CCBE1: variants seen among roughly 807,000 people sequenced by gnomAD.
The protein encoded by CCBE1 is collagen and calcium-binding EGF domain-containing protein 1.
CCBE1 carries 37 observed loss-of-function variants against 50.0 expected under a neutral mutation model. That is an observed-to-expected ratio of 0.74 (90% confidence interval 0.57 to 0.97). The LOEUF is 0.97. Ranked by LOEUF, CCBE1 falls within the 50% of genes least tolerant of loss-of-function variation. The pLI is 0.00. For synonymous variants in CCBE1, 234 were observed against 203.7 expected (o/e 1.15, Z -1.27); for missense variants, 538 against 523.8 (o/e 1.03, Z -0.26).
chr18:59,593,449 T>C (rs531736410), intron 2 of CCBE1, among the ~76,000 whole-genome samples: 4 of 152,358 alleles, frequency 2.6e-5, no homozygotes, highest in African/African-American at 7.2e-5. Context: ...TTGTAATGCA[T>C]TCCAGTACCA....
intron 2 of CCBE1, among the ~76,000 whole-genome samples, chr18:59,589,440 A>G (rs541074439): frequency 3.3e-5 from 5 of 152,340 alleles, no homozygotes; most frequent in African/African-American, 1.2e-4. Context: ...AACCAATATC[A>G]CACGATAATA....
intron 2 of CCBE1, among the ~76,000 whole-genome samples, chr18:59,618,813 T>C (rs933948962): frequency 1.1e-4 from 16 of 151,622 alleles, no homozygotes; most frequent in Non-Finnish European, 2.1e-4. Flanking sequence ...TGCTCAGAAT[T>C]TATTATGTAC....
chr18:59,575,290 T>A (rs1292467112), intron 2 of CCBE1, among the ~76,000 whole-genome samples: 1 of 152,080 alleles, frequency 6.6e-6, no homozygotes, highest in Admixed American at 6.6e-5. Context: ...CACTCCTACC[T>A]ACCACAGAAT....
chr18:59,679,467 G>A (rs1161617722), intron 2 of CCBE1, among the ~76,000 whole-genome samples: 1 of 152,144 alleles, frequency 6.6e-6, no homozygotes, highest in Admixed American at 6.5e-5. Context: ...AGACATGTCT[G>A]GAATTTGCTT....
intron 2 of CCBE1, among the ~76,000 whole-genome samples, chr18:59,488,189 C>T (rs976325858): frequency 6.6e-6 from 1 of 152,064 alleles, no homozygotes; most frequent in Non-Finnish European, 1.5e-5. Flanking sequence ...ACTGTAAAGA[C>T]GGAGTTAGTA....
intron 2 of CCBE1, among the ~76,000 whole-genome samples, chr18:59,555,610 T>C (rs575740039): frequency 6.6e-6 from 1 of 152,290 alleles, no homozygotes; most frequent in Non-Finnish European, 1.5e-5. Flanking sequence ...CGTGCAGAAG[T>C]TTAAAATAAA....
rs1232849574 is a variant in CCBE1 at position 59,552,042 on chromosome 18, G to A, written c.213-71804C>T. Among the ~76,000 whole-genome samples, 3 of 152,220 alleles carry A rather than the reference G, an allele frequency of 2.0e-5. No homozygotes were observed. The East Asian group carries it at 5.8e-4, about 29-fold the overall frequency. On this transcript the variant is annotated intron_variant, in intron 2 of 10. Coordinates refer to ENST00000439986, the MANE Select transcript of CCBE1 (RefSeq NM_133459.4). ...GGCTCACAGCTGGCCTGGGGATGGA[G>A]GGTATAAGATGGCCTCAATTCACAC...
At chr18:59,653,017 A>C (rs1352181277) in intron 2 of CCBE1, among the ~76,000 whole-genome samples, 1 of 152,216 alleles carries the variant, frequency 6.6e-6, no homozygotes, top group Non-Finnish European at 1.5e-5. Context: ...CCCCCCGTTA[A>C]AGGAACTTAC....
chr18:59,678,696 C>A (rs1261341324), intron 2 of CCBE1, among the ~76,000 whole-genome samples: 2 of 152,066 alleles, frequency 1.3e-5, no homozygotes, highest in African/African-American at 2.4e-5. Context: ...CCACACTCAG[C>A]TAACTTTTGA....
At chr18:59,659,465 A>C (rs2054252648) in intron 2 of CCBE1, among the ~76,000 whole-genome samples, 1 of 152,110 alleles carries the variant, frequency 6.6e-6, no homozygotes, top group African/African-American at 2.4e-5. Flanking sequence ...GCAGGCAGAA[A>C]TCTCCCTGTT....
rs367561347 is a variant in CCBE1, at chr18:59,448,580, A to T, written c.655-477T>A. Among the ~76,000 whole-genome samples, 25 of 152,108 alleles carry T rather than the reference A, an allele frequency of 1.6e-4. 1 individual carries two copies. The South Asian group carries it at 5.2e-3, about 32-fold the overall frequency. On this transcript the variant is annotated intron_variant, in intron 6 of 10. Coordinates refer to ENST00000439986, the MANE Select transcript of CCBE1 (RefSeq NM_133459.4). ...AACATGGCTGACGGTTCCCCAGCAC[A>T]CTCAGGGCTGACCTTCAGTACAACT... is the stretch of plus-strand genomic sequence containing the variant.
chr18:59,663,351 C>A (rs1033509066), intron 2 of CCBE1, among the ~76,000 whole-genome samples: 1 of 152,144 alleles, frequency 6.6e-6, no homozygotes, highest in Non-Finnish European at 1.5e-5. Flanking sequence ...GACATTCCAA[C>A]AGAAGAGAGA....
At chr18:59,635,813 G>C (rs921756263) in intron 2 of CCBE1, among the ~76,000 whole-genome samples, 2 of 151,948 alleles carry the variant, frequency 1.3e-5, no homozygotes, top group African/African-American at 4.8e-5. Flanking sequence ...TGACATGGCA[G>C]AAATAATTTA....
chr18:59,451,431 C>CT lies in CCBE1; in HGVS notation c.655-3329dup, dbSNP rs1910925771. Among the ~76,000 whole-genome samples the CT allele has an allele frequency of 5.3e-5, 4 of 74,836 alleles. No homozygotes were observed. In the South Asian group the frequency reaches 2.0e-3, roughly 37 times the overall value. The allele number at this position is 74,836 out of a possible 152,430, so 49.1% of individuals were successfully genotyped here. ...GTCCCTGCTGCCAGAACACAAGCAA[C>CT]TTAAAAAAAAAAAAAAAAAAAAAAG... is the stretch of plus-strand genomic sequence containing the variant. On this transcript the variant is annotated intron_variant, in intron 6 of 10. Transcript: ENST00000439986.
chr18:59,575,502 A>C (rs923314740), intron 2 of CCBE1, among the ~76,000 whole-genome samples: 3 of 152,248 alleles, frequency 2.0e-5, no homozygotes, highest in African/African-American at 7.2e-5. Context: ...TTCAAATTAT[A>C]GTCAGGATTT....
At chr18:59,625,430 C>CAAAAAAAAAAAAAAAAAAAAAAAAAA (rs750324482) in intron 2 of CCBE1, among the ~76,000 whole-genome samples, 1 of 69,920 alleles carries the variant, frequency 1.4e-5, no homozygotes, top group African/African-American at 6.1e-5. Context: ...GATTCTGTCT[C>CAAAAAAAAAAAAAAAAAAAAAAAAAA]AAAAAAAAAA....
intron 7 of CCBE1, among the ~76,000 whole-genome samples, chr18:59,444,369 C>A (rs904504664): frequency 5.3e-5 from 8 of 152,082 alleles, no homozygotes; most frequent in Non-Finnish European, 1.5e-5. Context: ...AACTCCTGAG[C>A]CCATGTGATC....
chr18:59,516,240 G>GC (rs567403917), intron 2 of CCBE1, among the ~76,000 whole-genome samples: 27 of 148,298 alleles, frequency 1.8e-4, no homozygotes, highest in Non-Finnish European at 3.9e-4. Context: ...ATTACAGTTT[G>GC]TTTTTTTTTT....
At chr18:59,455,251 T>C (rs1911136397) in intron 5 of CCBE1, 1 of 467,458 alleles carries the variant, frequency 2.1e-6, no homozygotes, top group East Asian at 4.5e-5. Flanking sequence ...TGGCCTTTTA[T>C]CAGTGCTTTT....
Sources: allele counts gnomAD v4.1 joint callset (sites outside exome capture counted in the v4.1 genomes callset), GRCh38; gene constraint gnomAD v4.1.1; transcripts MANE v1.5; gene names NCBI Gene and HGNC (gene_info 2026-07-23, HGNC 2026-07-21).